Variants in PLBD2 observed in about 807,000 individuals in gnomAD.
PLBD2 encodes phospholipase B domain containing 2, also known as putative aminopeptidase PLBD2.
In PLBD2, 51 loss-of-function variants were observed where a neutral mutation model predicts 68.3. That is an observed-to-expected ratio of 0.75 (90% confidence interval 0.60 to 0.94). PLBD2 has a LOEUF of 0.94. Among genes scored for constraint, PLBD2 ranks in the 40% least tolerant of loss-of-function variants. PLBD2 has a pLI of 0.00. For missense variants in PLBD2, 729 were observed against 792.2 expected (o/e 0.92, Z 0.96); for synonymous variants, 314 against 339.3 (o/e 0.93, Z 0.82).
intron 10 of PLBD2, 115 bp downstream of exon 10, chr12:113,387,204 CAGG>C: frequency 7.4e-7 from 1 of 1,347,838 alleles, no homozygotes; most frequent in Non-Finnish European, 9.9e-7. Context: ...AGAGGGCCAG[CAGG>C]GGGTGGTCAG....
chr12:113,380,922 C>CCA, intron 6 of PLBD2, 80 bp downstream of exon 6: 1 of 1,356,324 alleles, frequency 7.4e-7, no homozygotes, highest in Non-Finnish European at 1.0e-6. Flanking sequence ...TTGATTCCTG[C>CCA]GGCAAGTGGG....
chr12:113,384,711 G>A lies in PLBD2; in HGVS notation c.1119-140G>A. ...TTTGTGGATACCTGGTCATGCTGCAGCGTCAGGGTGTCAGTTGAATGGCTG... is the reference window on the plus strand; with the variant it reads ...TTTGTGGATACCTGGTCATGCTGCAACGTCAGGGTGTCAGTTGAATGGCTG... On this transcript the variant is annotated intron_variant, in intron 7 of 11. Coordinates refer to ENST00000280800, the MANE Select transcript of PLBD2 (RefSeq NM_173542.4). The surrounding 1 kb of genome is among the most constrained non-coding windows in gnomAD (Gnocchi z 4.2). 2 of 655,692 alleles carry A rather than the reference G, an allele frequency of 3.1e-6. No homozygotes were observed. The highest frequency in any genetic ancestry group is 3.6e-5 in the South Asian group (2 of 56,158). 40.6% of individuals were successfully genotyped at this position (655,692 alleles called of 1,614,324 possible).
intron 2 of PLBD2, among the ~76,000 whole-genome samples, chr12:113,369,826 G>A (rs913370669): frequency 6.6e-6 from 1 of 152,028 alleles, no homozygotes; most frequent in Non-Finnish European, 1.5e-5. Context: ...TTCTTTCTGG[G>A]ATGATGAAAA....
rs1193423796 is a variant in PLBD2, at chr12:113,382,849, G to T, written c.958-1256G>T. ...GTGGTGGTTTTTTGTGTGTGTGTGT[G>T]TGTGTGTGTGTGTGTGTGTTTTTTT... On this transcript the variant is annotated intron_variant, in intron 6 of 11. Transcript: ENST00000280800. Among the ~76,000 whole-genome samples the T allele has an allele frequency of 1.6e-3, 201 of 128,600 alleles. 1 individual carries two copies. Among genetic ancestry groups the T allele is most frequent in the African/African-American group, 5.6e-3 (189 of 33,890 alleles). The allele number at this position is 128,600 out of a possible 152,430, so 84.4% of individuals were successfully genotyped here.
chr12:113,364,013 A>G (rs1444801216), intron 1 of PLBD2, among the ~76,000 whole-genome samples: 1 of 152,166 alleles, frequency 6.6e-6, no homozygotes, highest in Admixed American at 6.5e-5. Flanking sequence ...TTTGCTCATC[A>G]GCACATGCAG....
At chr12:113,375,229 T>A (rs1195982558) in intron 5 of PLBD2, 1 of 560,290 alleles carries the variant, frequency 1.8e-6, no homozygotes, top group African/African-American at 1.9e-5. Flanking sequence ...CACTGTAGCC[T>A]TGACTTCCCA....
intron 9 of PLBD2, among the ~76,000 whole-genome samples, chr12:113,386,536 T>C (rs75936681): frequency 6.6e-6 from 1 of 151,406 alleles, no homozygotes; most frequent in Non-Finnish European, 1.5e-5. Flanking sequence ...TTTTTTTTTT[T>C]TGAGACGGAG....
At chr12:113,376,893 A>G (rs143272190) in intron 5 of PLBD2, 8 of 152,498 alleles carry the variant, frequency 5.2e-5, no homozygotes, top group African/African-American at 1.9e-4. Flanking sequence ...AGGCCCCAGC[A>G]TCAGCCCCAG....
rs567428112 is a variant in PLBD2, at chr12:113,384,676, G to C, written c.1119-175G>C. ...TTCTGGAACAGTCAAGCAGCATGAC[G>C]AGAGAGGGGTTTGTGGATACCTGGT... On this transcript the variant is annotated intron_variant, in intron 7 of 11. Transcript: ENST00000280800. The surrounding 1 kb of genome is among the most constrained non-coding windows in gnomAD (Gnocchi z 4.2). Among the ~76,000 whole-genome samples the C allele has an allele frequency of 6.6e-6, 1 of 152,158 alleles. No individual in the cohort carries two copies.
At chr12:113,359,763 C>A (rs1395455916) in intron 1 of PLBD2, among the ~76,000 whole-genome samples, 1 of 152,216 alleles carries the variant, frequency 6.6e-6, no homozygotes, top group African/African-American at 2.4e-5. Context: ...CACAGCTGAG[C>A]AGCTGTCTCT....
chr12:113,366,777 C>A (rs1447677100), intron 1 of PLBD2, among the ~76,000 whole-genome samples: 1 of 150,542 alleles, frequency 6.6e-6, no homozygotes, highest in Non-Finnish European at 1.5e-5. Flanking sequence ...TCTCCCCACT[C>A]CCCTCCTTCC....
At position 113,382,835 on chromosome 12, in the gene PLBD2, TTGTGTGTGTG is replaced by T. The variant is rs1209547269; in HGVS notation, c.958-1246_958-1237del. ...TGGGGGTGGTGGTGGTGGTGGTTTT[TTGTGTGTGTG>T]TGTGTGTGTGTGTGTGTGTGTGTTT... is the stretch of plus-strand genomic sequence containing the variant. On this transcript the variant is annotated intron_variant, in intron 6 of 11. Transcript: ENST00000280800. 2.9e-4 allele frequency among the ~76,000 whole-genome samples: 31 copies of T among 106,608 alleles called. 1 individual carries two copies. Among genetic ancestry groups the T allele is most frequent in the African/African-American group, 7.7e-4 (20 of 26,132 alleles). 69.9% of individuals were successfully genotyped at this position (106,608 alleles called of 152,430 possible). A position where few individuals can be genotyped will look rare whatever the true frequency, so the allele number is the denominator to read the frequency against.
At chr12:113,369,263 A>AT in intron 2 of PLBD2, 54 bp downstream of exon 2, 1 of 1,440,596 alleles carries the variant, frequency 6.9e-7, no homozygotes, top group African/African-American at 1.4e-5. Flanking sequence ...CCCCACAAGC[A>AT]TGTTCCCCAG....
chr12:113,383,166 G>A (rs992010866), intron 6 of PLBD2, among the ~76,000 whole-genome samples: 7 of 152,218 alleles, frequency 4.6e-5, no homozygotes, highest in African/African-American at 1.7e-4. Context: ...AGGCTGGAGG[G>A]AGACTGAGGG....
chr12:113,362,412 A>G (rs985571571), intron 1 of PLBD2, among the ~76,000 whole-genome samples: 6 of 152,036 alleles, frequency 3.9e-5, no homozygotes, highest in African/African-American at 1.2e-4. Flanking sequence ...CCAAGGCCAT[A>G]CTAGACTGCG....
chr12:113,371,557 C>T (rs1181844669), intron 2 of PLBD2, among the ~76,000 whole-genome samples: 1 of 152,206 alleles, frequency 6.6e-6, no homozygotes, highest in Non-Finnish European at 1.5e-5. Flanking sequence ...TGTGGGTGCT[C>T]AGTGGTGAAT....
At chr12:113,387,220 G>A (rs1957561338) in intron 10 of PLBD2, 131 bp downstream of exon 10, 1 of 1,163,988 alleles carries the variant, frequency 8.6e-7, no homozygotes, top group Non-Finnish European at 1.2e-6. Context: ...GTGGTCAGAT[G>A]TTGGACACCA....
chr12:113,360,058 A>G (rs1202881801), intron 1 of PLBD2, among the ~76,000 whole-genome samples: 2 of 152,148 alleles, frequency 1.3e-5, no homozygotes, highest in Admixed American at 6.5e-5. Flanking sequence ...ACTGGCATCC[A>G]TTGGCTTCTG....
At chr12:113,368,034 A>G (rs1957356702) in intron 1 of PLBD2, among the ~76,000 whole-genome samples, 1 of 151,978 alleles carries the variant, frequency 6.6e-6, no homozygotes, top group Admixed American at 6.6e-5. Context: ...GTGAGCTGAG[A>G]TCATGCCAGT....
Sources: gnomAD v4.1 joint callset for allele counts (sites outside exome capture counted in the v4.1 genomes callset) on GRCh38, gnomAD v4.1.1 for gene constraint, Gnocchi (gnomAD v3.1) non-coding constraint, MANE v1.5 for transcripts, NCBI Gene and HGNC (gene_info 2026-07-23, HGNC 2026-07-21) for gene names.